Variants in KCNAB1 observed in about 807,000 individuals in gnomAD.
KCNAB1 encodes the protein potassium voltage-gated channel subfamily A regulatory beta subunit 1, also known as voltage-gated potassium channel subunit beta-1.
Under a neutral mutation model 64.6 loss-of-function variants are expected in KCNAB1, and 35 were observed. The observed-to-expected ratio is 0.54, with a 90% CI of 0.41 to 0.72. The LOEUF is 0.72. Ranked by LOEUF, KCNAB1 falls within the 30% of genes least tolerant of loss-of-function variation. The probability of loss-of-function intolerance (pLI) is 0.00; values close to 1 mark genes in which losing one functional copy is unlikely to be tolerated. For synonymous variants in KCNAB1, 177 were observed against 183.8 expected (o/e 0.96, Z 0.30); for missense variants, 401 against 512.9 (o/e 0.78, Z 2.11).
chr3:156,232,561 T>C (rs1338103407), intron 1 of KCNAB1, among the ~76,000 whole-genome samples: 1 of 152,234 alleles, frequency 6.6e-6, no homozygotes, highest in African/African-American at 2.4e-5. Flanking sequence ...GCCAGAACTT[T>C]TACTACTGAT....
intron 1 of KCNAB1, among the ~76,000 whole-genome samples, chr3:156,272,988 T>C (rs1304226525): frequency 6.6e-6 from 1 of 152,118 alleles, no homozygotes; most frequent in Non-Finnish European, 1.5e-5. Context: ...GCCCAGGGTT[T>C]GTCTAGAAAT....
At chr3:156,504,291 TTTTC>T (rs1447186658) in intron 8 of KCNAB1, among the ~76,000 whole-genome samples, 1 of 152,210 alleles carries the variant, frequency 6.6e-6, no homozygotes, top group Non-Finnish European at 1.5e-5. Flanking sequence ...CTATAACACA[TTTTC>T]TTTATCAATT....
In KCNAB1 at chr3:156,278,962, T is replaced by C. The variant is rs147208208; in HGVS notation, c.276-142654T>C. ...TATTTTATTTTTTTATTTATTTTTA[T>C]TTATTTTTTATTTTTATTATACTTT... is the stretch of plus-strand genomic sequence containing the variant. On this transcript the variant is annotated intron_variant, in intron 1 of 13. Coordinates refer to ENST00000490337, the MANE Select transcript of KCNAB1 (RefSeq NM_172160.3). Among the ~76,000 whole-genome samples, 1,316 of 151,994 alleles carry C rather than the reference T, an allele frequency of 8.7e-3. 14 individuals are homozygous for C. The highest frequency in any genetic ancestry group is 0.03 in the African/African-American group (1,259 of 41,508).
At chr3:156,213,910 C>CT (rs1008265484) in intron 1 of KCNAB1, among the ~76,000 whole-genome samples, 3 of 152,124 alleles carry the variant, frequency 2.0e-5, no homozygotes, top group Non-Finnish European at 4.4e-5. Context: ...AAGCTTGGGA[C>CT]TTTCAGGCCC....
intron 1 of KCNAB1, among the ~76,000 whole-genome samples, chr3:156,373,380 TA>T (rs962340196): frequency 6.6e-6 from 1 of 152,208 alleles, no homozygotes; most frequent in African/African-American, 2.4e-5. Context: ...ATGGGGAGCT[TA>T]ATCTCATTTT....
At chr3:156,439,224 A>ATTTTT (rs56259743) in intron 2 of KCNAB1, among the ~76,000 whole-genome samples, 3 of 115,118 alleles carry the variant, frequency 2.6e-5, no homozygotes, top group Admixed American at 9.2e-5. Context: ...CATCATTGTG[A>ATTTTT]TTTTTTTTTT....
intron 1 of KCNAB1, among the ~76,000 whole-genome samples, chr3:156,328,903 A>G (rs1171988515): frequency 1.3e-5 from 2 of 152,104 alleles, no homozygotes; most frequent in Non-Finnish European, 2.9e-5. Context: ...GTTGTTTGAT[A>G]TTTGTATTAT....
chr3:156,536,596 A>G, intron 13 of KCNAB1, 62 bp from the exon 14 acceptor site: 1 of 1,155,110 alleles, frequency 8.7e-7, no homozygotes, highest in Non-Finnish European at 1.3e-6. Flanking sequence ...AATATAGAGC[A>G]CAAAAAACCG....
intron 8 of KCNAB1, among the ~76,000 whole-genome samples, chr3:156,491,864 T>C (rs2108352396): frequency 6.6e-6 from 1 of 152,138 alleles, no homozygotes; most frequent in East Asian, 1.9e-4. Flanking sequence ...TAGGAAACAA[T>C]AAAAAGAACA....
intron 1 of KCNAB1, among the ~76,000 whole-genome samples, chr3:156,164,699 C>T (rs1381705652): frequency 1.3e-5 from 2 of 152,108 alleles, no homozygotes; most frequent in East Asian, 1.9e-4. Context: ...TAGCCTGGTC[C>T]GGGCCTCGGT....
chr3:156,270,232 A>G (rs1718953249), intron 1 of KCNAB1, among the ~76,000 whole-genome samples: 1 of 151,978 alleles, frequency 6.6e-6, no homozygotes, highest in African/African-American at 2.4e-5. Context: ...TTTTTAATCC[A>G]TCGAGGCACT....
intron 8 of KCNAB1, among the ~76,000 whole-genome samples, chr3:156,506,634 A>T (rs1440184428): frequency 6.6e-6 from 1 of 152,184 alleles, no homozygotes. Context: ...GTTTTGAAGA[A>T]GGTTCAATTT....
At chr3:156,341,672 A>C (rs1173905332) in intron 1 of KCNAB1, among the ~76,000 whole-genome samples, 3 of 152,228 alleles carry the variant, frequency 2.0e-5, no homozygotes, top group African/African-American at 7.2e-5. Context: ...ATAGAAATAT[A>C]ATCCAGTGGT....
intron 8 of KCNAB1, among the ~76,000 whole-genome samples, chr3:156,493,887 G>A (rs1234880452): frequency 6.6e-6 from 1 of 152,124 alleles, no homozygotes; most frequent in Non-Finnish European, 1.5e-5. Context: ...TCATGCTAGA[G>A]GGTGCAGAAT....
intron 1 of KCNAB1, among the ~76,000 whole-genome samples, chr3:156,354,439 G>C (rs1221270669): frequency 6.6e-6 from 1 of 151,780 alleles, no homozygotes; most frequent in African/African-American, 2.4e-5. Context: ...GGGATTACAG[G>C]CATGAGCCAC....
Position 156,120,763 on chromosome 3 carries a change from G to A in KCNAB1, c.152G>A (p.Gly51Glu). 1.2e-6 allele frequency: 2 copies of A among 1,614,214 alleles called. No individual in the cohort carries two copies. Among genetic ancestry groups the A allele is most frequent in the Non-Finnish European group, 1.7e-6 (2 of 1,180,042 alleles). Residue 51 changes from glycine (G) to glutamate (E), a missense_variant, in exon 1 of 14, where the codon GGG becomes GAG. Physicochemically the swap from Gly to Glu is moderately conservative, Grantham distance 98 (BLOSUM62 -2). Coordinates refer to ENST00000490337, the MANE Select transcript of KCNAB1 (RefSeq NM_172160.3). ...AAAGACAGCAGCCTTAGTCCCTCAG[G>A]GGAAAGCCAGCTCAGGGCGCGTCAA... ...NAKDSSLSPS[G>E]ESQLRARQLA...
chr3:156,279,944 T>G (rs1360761295), intron 1 of KCNAB1, among the ~76,000 whole-genome samples: 1 of 149,974 alleles, frequency 6.7e-6, no homozygotes, highest in African/African-American at 2.5e-5. Flanking sequence ...GGTAGTTTCT[T>G]TTGCTGTGCA....
chr3:156,175,225 T>C (rs555214530), intron 1 of KCNAB1, among the ~76,000 whole-genome samples: 1 of 152,072 alleles, frequency 6.6e-6, no homozygotes. Flanking sequence ...GAAAATATCC[T>C]ACAAGCCAGT....
At chr3:156,514,745 G>C (rs2108392041) in intron 9 of KCNAB1, among the ~76,000 whole-genome samples, 1 of 152,322 alleles carries the variant, frequency 6.6e-6, no homozygotes, top group African/African-American at 2.4e-5. Context: ...TAACTATACT[G>C]TTTATACCAA....
Sources: gnomAD v4.1 joint callset for allele counts (sites outside exome capture counted in the v4.1 genomes callset) on GRCh38, gnomAD v4.1.1 for gene constraint, MANE v1.5 for transcripts, NCBI Gene and HGNC (gene_info 2026-07-23, HGNC 2026-07-21) for gene names.